LRRC9: variants seen among roughly 807,000 people sequenced by gnomAD.
LRRC9 encodes the protein leucine-rich repeat-containing protein 9.
Under a neutral mutation model 63.2 loss-of-function variants are expected in LRRC9, and 122 were observed. That is an observed-to-expected ratio of 1.93 (90% CI 1.67 to 2.24). LRRC9 has a LOEUF of 2.24. LRRC9 is among the 30% of genes most tolerant of loss of function. The probability of loss-of-function intolerance (pLI) is 0.00; values close to 1 mark genes in which losing one functional copy is unlikely to be tolerated. For synonymous variants in LRRC9, 366 were observed against 213.1 expected, an observed-to-expected ratio of 1.72 and a Z score of -6.25; for missense variants, 1,071 against 627.7, an observed-to-expected ratio of 1.71 and a Z score of -7.55.
rs1436603471 is a variant in LRRC9, at chr14:59,938,962, C to T, written c.726+390C>T. On this transcript the variant is annotated intron_variant, in intron 7 of 31. Transcript: ENST00000445360. The surrounding 1 kb of genome is among the most constrained non-coding windows in gnomAD (Gnocchi z 4.2). ...ATACATATACATACATATATACACACATATATACATATATACATATATACA... is the reference window on the plus strand; with the variant it reads ...ATACATATACATACATATATACACATATATATACATATATACATATATACA... 6.9e-6 allele frequency among the ~76,000 whole-genome samples: 1 copy of T among 145,770 alleles called. No individual in the cohort carries two copies. The highest frequency in any genetic ancestry group is 1.5e-5 in the Non-Finnish European group (1 of 66,876).
At position 60,004,883 on chromosome 14, in the gene LRRC9, C is replaced by T. The variant is rs1333732440; in HGVS notation, c.2842+1085C>T. 6.9e-5 allele frequency among the ~76,000 whole-genome samples: 1 copy of T among 14,488 alleles called. No homozygotes were observed. Among genetic ancestry groups the T allele is most frequent in the African/African-American group, 9.4e-5 (1 of 10,662 alleles). The allele number at this position is 14,488 out of a possible 152,430, so 9.5% of individuals were successfully genotyped here. A position where few individuals can be genotyped will look rare whatever the true frequency, so the allele number is the denominator to read the frequency against. On this transcript the variant is annotated intron_variant, in intron 21 of 31. Coordinates refer to ENST00000445360, the Ensembl canonical transcript of LRRC9. The surrounding 1 kb of genome is among the most constrained non-coding windows in gnomAD (Gnocchi z 4.8). ...AGAGAAATATGTATATGTGTGTATA[C>T]ACACACACACACACACACACACTTA...
At chr14:60,034,518 A>G (rs966198426) in intron 29 of LRRC9, among the ~76,000 whole-genome samples, 2 of 151,780 alleles carry the variant, frequency 1.3e-5, no homozygotes, top group Admixed American at 1.3e-4. Context: ...CCCGTCCCAG[A>G]CTCTGGTAAC....
rs1890819284 is a variant in LRRC9 at position 60,017,907 on chromosome 14, G to T, written c.3318-464G>T. On this transcript the variant is annotated intron_variant, in intron 24 of 31. Coordinates refer to ENST00000445360, the Ensembl canonical transcript of LRRC9. The surrounding 1 kb of genome is among the most constrained non-coding windows in gnomAD (Gnocchi z 4.0). Reference sequence around the variant, plus strand: ...ATACCACAGAAACTCTATTTTCAAAGACCTTACCTGCTTTTCCTTTCCTTT... The same window carrying T: ...ATACCACAGAAACTCTATTTTCAAATACCTTACCTGCTTTTCCTTTCCTTT... Among the ~76,000 whole-genome samples the T allele has an allele frequency of 6.6e-6, 1 of 152,036 alleles. No individual in the cohort carries two copies. Among genetic ancestry groups the T allele is most frequent in the African/African-American group, 2.4e-5 (1 of 41,430 alleles).
chr14:60,058,302 CTGACA>C lies in LRRC9; in HGVS notation c.4276+282_4276+286del, dbSNP rs1284311270. ...TTTGTGATACTTGAACAATTATTTC[CTGACA>C]TATCTTTTCAAAGCTTTTATTTCAT... is the stretch of plus-strand genomic sequence containing the variant. On this transcript the variant is annotated intron_variant, in intron 31 of 31. Coordinates refer to ENST00000445360, the Ensembl canonical transcript of LRRC9. This position sits in a 1 kb window ranked among gnomAD's most constrained non-coding sequence, Gnocchi z 4.4. Among the ~76,000 whole-genome samples, 1 of 152,024 alleles carries C rather than the reference CTGACA, an allele frequency of 6.6e-6. No homozygotes were observed. Among genetic ancestry groups the C allele is most frequent in the Non-Finnish European group, 1.5e-5 (1 of 67,962 alleles).
At chr14:60,002,594 T>C (rs942031498) in intron 20 of LRRC9, among the ~76,000 whole-genome samples, 4 of 152,014 alleles carry the variant, frequency 2.6e-5, no homozygotes, top group African/African-American at 9.7e-5. Context: ...TTCAACAGAG[T>C]TGGAAAAAAT....
intron 28 of LRRC9, among the ~76,000 whole-genome samples, chr14:60,028,865 G>A (rs1891762614): frequency 6.6e-6 from 1 of 152,022 alleles, no homozygotes; most frequent in Non-Finnish European, 1.5e-5. Flanking sequence ...ATAGTACCCG[G>A]TACATAATAG....
intron 23 of LRRC9, among the ~76,000 whole-genome samples, chr14:60,010,777 G>A (rs912930012): frequency 6.6e-6 from 1 of 152,106 alleles, no homozygotes; most frequent in African/African-American, 2.4e-5. Context: ...TCTAGGGCAG[G>A]GGAAAATGCC....
intron 12 of LRRC9, among the ~76,000 whole-genome samples, chr14:59,967,666 G>C (rs1255090903): frequency 1.3e-5 from 2 of 151,964 alleles, no homozygotes; most frequent in Non-Finnish European, 2.9e-5. Flanking sequence ...TTTATCATTG[G>C]TCACTTCTGA....
At chr14:59,939,639 C>A (rs7157010) in intron 7 of LRRC9, among the ~76,000 whole-genome samples, 20,673 of 151,706 alleles carry the variant, frequency 0.14, 1,696 homozygotes, top group South Asian at 0.26. Context: ...TATGGGTTTA[C>A]TGATGGATTG....
intron 29 of LRRC9, among the ~76,000 whole-genome samples, chr14:60,052,122 T>C (rs1893941322): frequency 6.6e-6 from 1 of 152,234 alleles, no homozygotes; most frequent in Non-Finnish European, 1.5e-5. Flanking sequence ...TAATCAGCCA[T>C]CTTGGCCCAC....
chr14:60,057,659 A>AG, intron 30 of LRRC9: 1 of 340,376 alleles, frequency 2.9e-6, no homozygotes, highest in Non-Finnish European at 5.3e-6. Flanking sequence ...GTCTGAAAAA[A>AG]AAAAAAAAAA....
chr14:59,981,923 G>A (rs949149811), exon 16 of LRRC9: 2 of 702,570 alleles, frequency 2.8e-6, no homozygotes, highest in Non-Finnish European at 2.6e-6. Flanking sequence ...AGAAGTATCA[G>A]TATTTTCCAA....
intron 8 of LRRC9, among the ~76,000 whole-genome samples, chr14:59,955,026 G>T (rs571510935): frequency 2.0e-5 from 3 of 152,274 alleles, no homozygotes; most frequent in African/African-American, 7.2e-5. Context: ...TTTTTGATGT[G>T]CTGCTGGATT....
chr14:60,040,847 C>G (rs1264623778), intron 29 of LRRC9, among the ~76,000 whole-genome samples: 1 of 151,888 alleles, frequency 6.6e-6, no homozygotes, highest in Non-Finnish European at 1.5e-5. Flanking sequence ...GCTGTTTCTT[C>G]CTAGTATTGA....
At chr14:59,997,027 C>T (rs959232384) in intron 17 of LRRC9, among the ~76,000 whole-genome samples, 1 of 151,796 alleles carries the variant, frequency 6.6e-6, no homozygotes, top group Non-Finnish European at 1.5e-5. Context: ...TAAAAGGATA[C>T]AAAATTATAT....
downstream of LRRC9, chr14:60,063,627 C>T (rs77135594): frequency 0.013 from 4,852 of 360,778 alleles, 202 homozygotes; most frequent in East Asian, 0.12. Context: ...TTACATCAGA[C>T]TACAATTTGA....
In LRRC9 at chr14:60,058,388, A is replaced by G. The variant is rs192848681; in HGVS notation, c.4276+366A>G. 6.6e-6 allele frequency among the ~76,000 whole-genome samples: 1 copy of G among 152,300 alleles called. No homozygotes were observed. The highest frequency in any genetic ancestry group is 1.9e-4 in the East Asian group (1 of 5,188). ...AACCAGTTCATTAGTGCATCCTGCT[A>G]AAAGTGGAAATCAGAGATGTAAAAG... On this transcript the variant is annotated intron_variant, in intron 31 of 31. Transcript: ENST00000445360. This position sits in a 1 kb window ranked among gnomAD's most constrained non-coding sequence, Gnocchi z 4.4.
chr14:59,973,331 C>A (rs755042000), intron 12 of LRRC9: 7 of 152,034 alleles, frequency 4.6e-5, no homozygotes, highest in African/African-American at 9.7e-5. Flanking sequence ...CAAGACTACA[C>A]TGTAGCCTTA....
intron 8 of LRRC9, among the ~76,000 whole-genome samples, chr14:59,949,429 A>G (rs1444365648): frequency 3.3e-4 from 49 of 149,128 alleles, no homozygotes; most frequent in African/African-American, 1.2e-3. Flanking sequence ...CTAGCGGTCT[A>G]TCAATTTTGT....
Sources: allele counts gnomAD v4.1 joint callset (sites outside exome capture counted in the v4.1 genomes callset), GRCh38; gene constraint gnomAD v4.1.1; non-coding constraint Gnocchi (gnomAD v3.1); transcripts MANE v1.5; gene names NCBI Gene and HGNC (gene_info 2026-07-23, HGNC 2026-07-21).